The following SFI1 variants were observed in gnomAD, a reference collection of about 807,000 sequenced individuals.
SFI1 encodes SFI1 centrin binding protein, also known as protein SFI1 homolog.
SFI1 carries 195 observed loss-of-function variants against 207.5 expected under a neutral mutation model. The ratio of observed to expected loss-of-function variants is 0.94; its 90% CI spans 0.84 to 1.06. The LOEUF is 1.06. Ranked by LOEUF, SFI1 falls within the 50% of genes least tolerant of loss-of-function variation. The pLI is 0.00. For synonymous variants in SFI1, 630 were observed against 598.9 expected (o/e 1.05, Z -0.76); for missense variants, 1,634 against 1,588.0 (o/e 1.03, Z -0.49).
chr22:31,604,382 A>G lies in SFI1; in HGVS notation c.1955A>G (p.His652Arg), dbSNP rs775715855. Reference protein sequence around the residue: ...ADLHHQHSVLHRALQAWVTYQ... With the variant: ...ADLHHQHSVLRRALQAWVTYQ... ...CTGCACCACCAGCACAGCGTGCTGC[A>G]CAGGGCGCTGCAGGCATGGGTGGTA... The change falls in exon 19 of 33, where the codon CAC becomes CGC. Residue 652 changes from histidine to arginine, a missense_variant. His to Arg is a conservative substitution (Grantham distance 29). Coordinates refer to ENST00000400288, the MANE Select transcript of SFI1 (RefSeq NM_001007467.3). 1.9e-6 allele frequency: 3 copies of G among 1,561,770 alleles called. No individual in the cohort carries two copies. In the African/African-American group the frequency reaches 4.1e-5, roughly 21 times the overall value.
chr22:31,513,827 C>T (rs1436230608), intron 2 of SFI1, among the ~76,000 whole-genome samples: 1 of 149,118 alleles, frequency 6.7e-6, no homozygotes, highest in Non-Finnish European at 1.5e-5. Flanking sequence ...GATCCGCCCA[C>T]CTCAGCCTCC....
intron 21 of SFI1, among the ~76,000 whole-genome samples, chr22:31,607,223 C>T (rs2069181278): frequency 6.6e-6 from 1 of 152,090 alleles, no homozygotes; most frequent in South Asian, 2.1e-4. Context: ...ACCAGGCATT[C>T]CCTGGGCAAG....
At chr22:31,616,592 G>C (rs1057334837) in intron 29 of SFI1, 153 bp from the exon 30 acceptor site, 89 of 769,502 alleles carry the variant, frequency 1.2e-4, no homozygotes, top group Non-Finnish European at 1.8e-4. Flanking sequence ...ACACTGAGCT[G>C]GCACGGCCAG....
chr22:31,539,499 C>A (rs1342778309), intron 4 of SFI1, among the ~76,000 whole-genome samples: 1 of 151,980 alleles, frequency 6.6e-6, no homozygotes. Flanking sequence ...TTCTTTTGTT[C>A]TCTGCATGTT....
intron 1 of SFI1, among the ~76,000 whole-genome samples, chr22:31,499,103 G>A (rs1601739903): frequency 6.6e-6 from 1 of 152,052 alleles, no homozygotes; most frequent in East Asian, 1.9e-4. Flanking sequence ...GAACTTCTAG[G>A]CGAAAGTGAT....
At chr22:31,518,957 C>T (rs1018180925) in intron 2 of SFI1, among the ~76,000 whole-genome samples, 25 of 152,134 alleles carry the variant, frequency 1.6e-4, no homozygotes, top group Non-Finnish European at 2.9e-4. Flanking sequence ...TTTGTGATTC[C>T]GCTGGGAGAG....
chr22:31,503,463 G>A (rs556215486), intron 1 of SFI1, among the ~76,000 whole-genome samples: 5 of 151,800 alleles, frequency 3.3e-5, no homozygotes, highest in East Asian at 3.9e-4. Context: ...TCCTATAATC[G>A]CTTCTGTCAT....
intron 6 of SFI1, among the ~76,000 whole-genome samples, chr22:31,551,629 C>T (rs1205899906): frequency 6.6e-6 from 1 of 152,126 alleles, no homozygotes; most frequent in Non-Finnish European, 1.5e-5. Context: ...TGGGCTTTTG[C>T]CATGTTGCCC....
intron 12 of SFI1, among the ~76,000 whole-genome samples, chr22:31,581,186 C>G (rs2064129313): frequency 6.6e-6 from 1 of 151,720 alleles, no homozygotes. Flanking sequence ...ACTATGTTGC[C>G]TAGGCTGATC....
intron 4 of SFI1, among the ~76,000 whole-genome samples, chr22:31,536,037 C>A (rs987991830): frequency 2.6e-5 from 4 of 152,064 alleles, no homozygotes; most frequent in Non-Finnish European, 5.9e-5. Context: ...GTTTTGTTCC[C>A]TTACCACACT....
At position 31,614,774 on chromosome 22, in the gene SFI1, C is replaced by T; in HGVS notation, c.2997-15C>T. On this transcript the variant is annotated splice_polypyrimidine_tract_variant and intron_variant, in intron 27 of 32. Coordinates refer to ENST00000400288, the MANE Select transcript of SFI1 (RefSeq NM_001007467.3). The stretch of plus-strand genomic sequence containing the variant: ...CTGGTCAGCCCAGGGGAACAGACCC[C>T]ATGTTTCTTTCCAGCAACACTGCCC... The T allele has an allele frequency of 6.2e-7, 1 of 1,613,696 alleles. No individual in the cohort carries two copies. Among genetic ancestry groups the T allele is most frequent in the South Asian group, 1.1e-5 (1 of 91,074 alleles).
At chr22:31,553,838 GT>G (rs58333559) in intron 6 of SFI1, among the ~76,000 whole-genome samples, 9 of 26,306 alleles carry the variant, frequency 3.4e-4, no homozygotes, top group African/African-American at 1.0e-3. Flanking sequence ...AATGGATTAT[GT>G]TTTTTTTTTT....
intron 2 of SFI1, among the ~76,000 whole-genome samples, chr22:31,509,172 AGTCAGG>A (rs567689771): frequency 3.1e-4 from 47 of 152,304 alleles, no homozygotes; most frequent in Middle Eastern, 3.4e-3. Flanking sequence ...TAGTTGTGTT[AGTCAGG>A]GTCCTCTAGA....
At chr22:31,509,031 A>G (rs931460190) in intron 2 of SFI1, among the ~76,000 whole-genome samples, 7 of 152,152 alleles carry the variant, frequency 4.6e-5, no homozygotes, top group African/African-American at 1.7e-4. Context: ...TTGTACATTT[A>G]TTGAGATAAT....
In SFI1 at chr22:31,606,409, C is replaced by G; in HGVS notation, c.2136C>G (p.Tyr712Ter). 3.7e-6 allele frequency: 6 copies of G among 1,613,794 alleles called. No individual in the cohort carries two copies. Among genetic ancestry groups the G allele is most frequent in the Non-Finnish European group, 5.1e-6 (6 of 1,179,998 alleles). ...AAACCTTTCAAGCAAGTACTCATTA[C>G]AGAAGGACCATATGTTCCAAGGTGA... ...AKKTFQASTH[Y>*]RRTICSKVLV... Residue 712 changes from tyrosine (Y) to a stop codon, truncating the protein, a stop_gained, in exon 21 of 33, where the codon TAC (tyrosine) becomes TAG (stop). Transcript: ENST00000400288. LOFTEE classifies it high-confidence loss of function.
chr22:31,591,490 C>T (rs1466736905), intron 15 of SFI1, among the ~76,000 whole-genome samples: 1 of 151,868 alleles, frequency 6.6e-6, no homozygotes. Context: ...GGGCACACCT[C>T]CCAGACGGGG....
chr22:31,521,002 CA>C (rs57346699), intron 2 of SFI1, among the ~76,000 whole-genome samples: 3,663 of 47,496 alleles, frequency 0.077, 37 homozygotes, highest in African/African-American at 0.087. Flanking sequence ...GACCCTGTCT[CA>C]AAAAAAAAAA....
chr22:31,535,512 TC>T (rs769675185), intron 4 of SFI1, among the ~76,000 whole-genome samples: 3 of 151,076 alleles, frequency 2.0e-5, no homozygotes, highest in African/African-American at 4.9e-5. Flanking sequence ...TTCTTTTTTT[TC>T]TTTTTGCTGA....
intron 2 of SFI1, 123 bp from the exon 3 acceptor site, chr22:31,528,567 A>G (rs2068249075): frequency 2.3e-6 from 2 of 859,202 alleles, no homozygotes; most frequent in African/African-American, 3.4e-5. Flanking sequence ...TTATCCTTGC[A>G]GCATAGGTAT....
Sources: gnomAD v4.1 joint callset for allele counts (sites outside exome capture counted in the v4.1 genomes callset) on GRCh38, gnomAD v4.1.1 for gene constraint, MANE v1.5 for transcripts, NCBI Gene and HGNC (gene_info 2026-07-23, HGNC 2026-07-21) for gene names.